MEI4: variants seen among roughly 807,000 people sequenced by gnomAD.
The protein encoded by MEI4 is meiotic double-stranded break formation protein 4, also known as meiosis-specific protein MEI4.
MEI4 carries 27 observed loss-of-function variants against 31.4 expected under a neutral mutation model. The observed-to-expected ratio is 0.86, with a 90% CI of 0.63 to 1.19. The LOEUF is 1.19. Among genes scored for constraint, MEI4 ranks in the 50% most tolerant of loss-of-function variants. MEI4 has a pLI of 0.00. For synonymous variants in MEI4, 122 were observed against 145.4 expected (o/e 0.84, Z 1.16); for missense variants, 329 against 398.9 (o/e 0.82, Z 1.49).
rs547510034 is a variant in MEI4, at chr6:77,733,697, C to G, written c.233-27433C>G. Among the ~76,000 whole-genome samples the G allele has an allele frequency of 7.2e-5, 11 of 151,920 alleles. No homozygotes were observed. In the South Asian group the frequency reaches 2.1e-3, roughly 29 times the overall value. On this transcript the variant is annotated intron_variant, in intron 2 of 4. Coordinates refer to ENST00000684080, the MANE Select transcript of MEI4 (RefSeq NM_001322247.2). ...TTTGAATACGTTTGCTCTTGCTTTT[C>G]TAGTTCTTTTAATTGTGATGTTAGG...
chr6:77,831,160 G>T (rs889407698), intron 4 of MEI4, among the ~76,000 whole-genome samples: 1 of 134,744 alleles, frequency 7.4e-6, no homozygotes, highest in Non-Finnish European at 1.6e-5. Context: ...AAAAAAAAAA[G>T]CTCAACAATA....
chr6:77,818,577 C>G (rs1166850107), intron 3 of MEI4, among the ~76,000 whole-genome samples: 1 of 152,014 alleles, frequency 6.6e-6, no homozygotes, highest in Non-Finnish European at 1.5e-5. Context: ...ACTTGCTTTT[C>G]TTGTACCATC....
intron 4 of MEI4, among the ~76,000 whole-genome samples, chr6:77,851,406 CTGGATTAAGAAAATG>C (rs1173470144): frequency 6.6e-6 from 1 of 151,918 alleles, no homozygotes; most frequent in Non-Finnish European, 1.5e-5. Context: ...CAATGATAGA[CTGGATTAAGAAAATG>C]TGGCACATAT....
chr6:77,855,270 G>A (rs1303423942), intron 4 of MEI4, among the ~76,000 whole-genome samples: 2 of 152,084 alleles, frequency 1.3e-5, no homozygotes, highest in Non-Finnish European at 2.9e-5. Flanking sequence ...GCTTCAACCT[G>A]GGAGGCAGAG....
intron 2 of MEI4, among the ~76,000 whole-genome samples, chr6:77,738,370 T>A (rs577347576): frequency 9.1e-4 from 138 of 152,332 alleles, no homozygotes; most frequent in Middle Eastern, 3.4e-3. Context: ...AGAAGAGTGA[T>A]GCAAATTGCT....
At chr6:77,790,431 A>G (rs1219450286) in intron 3 of MEI4, among the ~76,000 whole-genome samples, 2 of 152,008 alleles carry the variant, frequency 1.3e-5, no homozygotes, top group Admixed American at 6.6e-5. Flanking sequence ...ATAAAAAAGA[A>G]GAAAGAAAAA....
chr6:77,730,989 G>T (rs1048718128), intron 2 of MEI4, among the ~76,000 whole-genome samples: 10 of 151,686 alleles, frequency 6.6e-5, no homozygotes, highest in Non-Finnish European at 1.3e-4. Flanking sequence ...AGTATTCCAT[G>T]GTGTATATGT....
chr6:77,903,296 T>C (rs1766223703), intron 4 of MEI4, among the ~76,000 whole-genome samples: 1 of 152,164 alleles, frequency 6.6e-6, no homozygotes, highest in Non-Finnish European at 1.5e-5. Flanking sequence ...CAAGTACTCA[T>C]ACAACCATTC....
At chr6:77,887,743 T>G (rs1771659830) in intron 4 of MEI4, among the ~76,000 whole-genome samples, 1 of 152,240 alleles carries the variant, frequency 6.6e-6, no homozygotes, top group African/African-American at 2.4e-5. Context: ...TAGTATAATG[T>G]GTATCTGCAG....
intron 2 of MEI4, among the ~76,000 whole-genome samples, chr6:77,740,182 A>C (rs893124065): frequency 2.0e-5 from 3 of 152,122 alleles, no homozygotes; most frequent in African/African-American, 7.2e-5. Flanking sequence ...TTATGATTTC[A>C]GTTCTTCTGC....
chr6:77,830,993 A>G (rs113797534), intron 4 of MEI4, among the ~76,000 whole-genome samples: 2,630 of 152,112 alleles, frequency 0.017, 80 homozygotes, highest in African/African-American at 0.061. Flanking sequence ...AAATATTTGC[A>G]AACTAGCTAT....
intron 3 of MEI4, among the ~76,000 whole-genome samples, chr6:77,776,634 G>T (rs1768449364): frequency 6.6e-6 from 1 of 152,132 alleles, no homozygotes. Flanking sequence ...GCCACATAAA[G>T]AAGGATAAAA....
At chr6:77,664,215 A>G (rs1009705838) in intron 1 of MEI4, among the ~76,000 whole-genome samples, 9 of 152,110 alleles carry the variant, frequency 5.9e-5, no homozygotes, top group African/African-American at 2.2e-4. Flanking sequence ...GCCGGAATTT[A>G]ATTTTTGGAG....
intron 3 of MEI4, among the ~76,000 whole-genome samples, chr6:77,821,069 T>C (rs1258554234): frequency 2.0e-5 from 3 of 152,138 alleles, no homozygotes; most frequent in Non-Finnish European, 2.9e-5. Flanking sequence ...ATTGCCTTTC[T>C]CTTTACTTGT....
At chr6:77,732,274 T>C (rs1197643576) in intron 2 of MEI4, among the ~76,000 whole-genome samples, 1 of 152,012 alleles carries the variant, frequency 6.6e-6, no homozygotes, top group Non-Finnish European at 1.5e-5. Flanking sequence ...GGAATGTTCT[T>C]CCATTTGTTT....
At chr6:77,765,167 G>A (rs538714325) in intron 3 of MEI4, among the ~76,000 whole-genome samples, 12 of 152,104 alleles carry the variant, frequency 7.9e-5, no homozygotes, top group African/African-American at 2.2e-4. Flanking sequence ...CCACTTCATC[G>A]GGCTAAATAC....
chr6:77,700,204 C>A (rs776937094), intron 2 of MEI4, among the ~76,000 whole-genome samples: 2 of 152,198 alleles, frequency 1.3e-5, no homozygotes, highest in African/African-American at 4.8e-5. Context: ...TGGAGCCTAC[C>A]GGGGCAGGCA....
intron 4 of MEI4, among the ~76,000 whole-genome samples, chr6:77,873,764 C>T (rs1417682786): frequency 6.6e-6 from 1 of 152,110 alleles, no homozygotes; most frequent in Non-Finnish European, 1.5e-5. Flanking sequence ...TTTAATCCAT[C>T]TTGAATTAAT....
chr6:77,815,880 T>A (rs1769677082), intron 3 of MEI4, among the ~76,000 whole-genome samples: 1 of 149,368 alleles, frequency 6.7e-6, no homozygotes, highest in Admixed American at 6.7e-5. Flanking sequence ...ACTTGAATCC[T>A]TAGACCAAGA....
Sources: gnomAD v4.1 joint callset for allele counts (sites outside exome capture counted in the v4.1 genomes callset) on GRCh38, gnomAD v4.1.1 for gene constraint, MANE v1.5 for transcripts, NCBI Gene and HGNC (gene_info 2026-07-23, HGNC 2026-07-21) for gene names.